GOLM1: variants seen among roughly 807,000 people sequenced by gnomAD.
GOLM1 encodes epididymis luminal protein 46.
A neutral mutation model predicts 50.5 loss-of-function variants in GOLM1; 31 were observed. That is an observed-to-expected ratio of 0.61 (90% CI 0.46 to 0.83). GOLM1 has a LOEUF of 0.83. Among genes scored for constraint, GOLM1 ranks in the 40% least tolerant of loss-of-function variants. GOLM1 has a pLI of 0.00. For synonymous variants in GOLM1, 178 were observed against 192.8 expected, an observed-to-expected ratio of 0.92 and a Z score of 0.64; for missense variants, 491 against 501.3, an observed-to-expected ratio of 0.98 and a Z score of 0.20.
chr9:86,033,398 G>A lies in GOLM1; in HGVS notation c.1016-3C>T. Reference sequence around the variant, plus strand: ...TCTCAGTTTCTGCTGGTTTCTCCCTGTAAAATTAGCACATAAAACATAAGC... The same window carrying A: ...TCTCAGTTTCTGCTGGTTTCTCCCTATAAAATTAGCACATAAAACATAAGC... On this transcript the variant is annotated splice_polypyrimidine_tract_variant and splice_region_variant and intron_variant, in intron 8 of 9. Transcript: ENST00000388712. The A allele has an allele frequency of 2.6e-6, 4 of 1,548,012 alleles. No homozygotes were observed. Among genetic ancestry groups the A allele is most frequent in the South Asian group, 1.1e-5 (1 of 89,762 alleles).
chr9:86,068,769 G>A (rs984146673), intron 3 of GOLM1, among the ~76,000 whole-genome samples: 1 of 152,218 alleles, frequency 6.6e-6, no homozygotes, highest in Non-Finnish European at 1.5e-5. Context: ...AACAACACGT[G>A]TGTCTAAATT....
chr9:86,047,057 G>A (rs1352866132), intron 4 of GOLM1, among the ~76,000 whole-genome samples: 1 of 152,210 alleles, frequency 6.6e-6, no homozygotes, highest in Non-Finnish European at 1.5e-5. Flanking sequence ...CTACCTGCCA[G>A]CATCCTCCCT....
upstream of GOLM1, chr9:86,099,665 C>G (rs1006666590): frequency 2.7e-5 from 4 of 150,690 alleles, no homozygotes; most frequent in African/African-American, 9.7e-5. Flanking sequence ...CGGGGCCGCG[C>G]GGACTCCCGG....
At chr9:86,076,229 AC>A (rs1365228266) in intron 3 of GOLM1, among the ~76,000 whole-genome samples, 1 of 151,682 alleles carries the variant, frequency 6.6e-6, no homozygotes, top group Non-Finnish European at 1.5e-5. Flanking sequence ...GACCAACCTG[AC>A]CAACATGGCG....
At chr9:86,073,281 T>A (rs1349628500) in intron 3 of GOLM1, among the ~76,000 whole-genome samples, 1 of 152,214 alleles carries the variant, frequency 6.6e-6, no homozygotes, top group Non-Finnish European at 1.5e-5. Context: ...GAGATATTTT[T>A]AAAAATTCTA....
chr9:86,049,899 C>G (rs1833682475), intron 4 of GOLM1, among the ~76,000 whole-genome samples: 3 of 152,184 alleles, frequency 2.0e-5, no homozygotes, highest in Admixed American at 2.0e-4. Flanking sequence ...ACTTCCAACA[C>G]TATGTTGAAT....
chr9:86,047,211 G>A (rs374384156), intron 4 of GOLM1, among the ~76,000 whole-genome samples: 4 of 152,272 alleles, frequency 2.6e-5, no homozygotes, highest in East Asian at 1.9e-4. Flanking sequence ...TCATAAAAGA[G>A]CCCTAGCGGA....
At chr9:86,082,595 C>T (rs928842218) in intron 1 of GOLM1, among the ~76,000 whole-genome samples, 4 of 151,994 alleles carry the variant, frequency 2.6e-5, no homozygotes, top group African/African-American at 4.8e-5. Context: ...TGTGTGCCAC[C>T]ACGCCCAGCT....
chr9:86,067,953 C>T (rs2118813063), intron 3 of GOLM1, among the ~76,000 whole-genome samples: 1 of 152,138 alleles, frequency 6.6e-6, no homozygotes. Context: ...TTGCAGCGAA[C>T]CAAGATCACA....
At chr9:86,057,962 C>T (rs1834040550) in intron 3 of GOLM1, among the ~76,000 whole-genome samples, 1 of 152,196 alleles carries the variant, frequency 6.6e-6, no homozygotes, top group Admixed American at 6.5e-5. Flanking sequence ...AAAAAGGACC[C>T]TTATCTAATC....
intron 3 of GOLM1, among the ~76,000 whole-genome samples, chr9:86,053,643 C>CCACACCACACACTCCACACCAGAACA (rs1833879682): frequency 4.9e-4 from 1 of 2,036 alleles, no homozygotes; most frequent in African/African-American, 1.5e-3. Flanking sequence ...AAAACACACA[C>CCACACCACACACTCCACACCAGAACA]CACACCATGC....
chr9:86,068,435 C>A (rs967039989), intron 3 of GOLM1, among the ~76,000 whole-genome samples: 2 of 152,194 alleles, frequency 1.3e-5, no homozygotes, highest in African/African-American at 4.8e-5. Context: ...CTGCTGTGAG[C>A]GAGGATGCTA....
chr9:86,030,840 A>G (rs1346479308), intron 9 of GOLM1, among the ~76,000 whole-genome samples: 1 of 152,238 alleles, frequency 6.6e-6, no homozygotes, highest in Non-Finnish European at 1.5e-5. Flanking sequence ...AAAGAAGTCT[A>G]GATTATTTCA....
chr9:86,027,867 C>T lies in GOLM1; in HGVS notation c.1156G>A (p.Asp386Asn). ...CGCTGATCAAGTAAATTTATGGTGT[C>T]TCTTTTCTGATCTTCAACATTAAAA... is the stretch of plus-strand genomic sequence containing the variant. ...DVFNVEDQKR[D>N]TINLLDQREK... Residue 386 changes from aspartate (D) to asparagine (N), a missense_variant, in exon 10 of 10, where the codon GAC becomes AAC. Coordinates refer to ENST00000388712, the MANE Select transcript of GOLM1 (RefSeq NM_016548.4). 1 of 1,607,940 alleles carries T rather than the reference C, an allele frequency of 6.2e-7. No homozygotes were observed. Among genetic ancestry groups the T allele is most frequent in the Non-Finnish European group, 8.5e-7 (1 of 1,174,586 alleles).
At chr9:86,089,825 G>C (rs944678993) in intron 1 of GOLM1, among the ~76,000 whole-genome samples, 4 of 152,158 alleles carry the variant, frequency 2.6e-5, no homozygotes, top group Admixed American at 6.5e-5. Flanking sequence ...TCCTTTGGAG[G>C]AGAAGAGGCA....
intron 1 of GOLM1, among the ~76,000 whole-genome samples, chr9:86,093,461 T>C (rs10868374): frequency 0.44 from 66,078 of 151,272 alleles, 16,217 homozygotes; most frequent in Non-Finnish European, 0.57. Flanking sequence ...TTCCAGCTAC[T>C]TGGGAGGCTA....
At chr9:86,070,348 C>T (rs1223361262) in intron 3 of GOLM1, among the ~76,000 whole-genome samples, 1 of 151,826 alleles carries the variant, frequency 6.6e-6, no homozygotes, top group Non-Finnish European at 1.5e-5. Flanking sequence ...CCAAGGTGGG[C>T]GGATCACGAG....
At chr9:86,040,322 G>A (rs1833297140) in intron 6 of GOLM1, among the ~76,000 whole-genome samples, 1 of 152,160 alleles carries the variant, frequency 6.6e-6, no homozygotes, top group Admixed American at 6.5e-5. Context: ...GCAGCTTCGT[G>A]GGCTGTGCTC....
chr9:86,086,243 T>C (rs1834957615), intron 1 of GOLM1, among the ~76,000 whole-genome samples: 1 of 152,262 alleles, frequency 6.6e-6, no homozygotes, highest in Admixed American at 6.5e-5. Flanking sequence ...CTTTTGTTCA[T>C]ATGTTTGTTG....
Sources: gnomAD v4.1 joint callset for allele counts (sites outside exome capture counted in the v4.1 genomes callset) on GRCh38, gnomAD v4.1.1 for gene constraint, MANE v1.5 for transcripts, NCBI Gene and HGNC (gene_info 2026-07-23, HGNC 2026-07-21) for gene names.